SCUBE1: variants seen among roughly 807,000 people sequenced by gnomAD.
The protein encoded by SCUBE1 is signal peptide, CUB domain and EGF like domain containing 1.
In SCUBE1, 59 loss-of-function variants were observed where a neutral mutation model predicts 124.4. The ratio of observed to expected loss-of-function variants is 0.47; its 90% CI spans 0.38 to 0.59. The LOEUF is 0.59. SCUBE1 is among the 20% of genes least tolerant of loss of function. The pLI is 0.00. For synonymous variants in SCUBE1, 545 were observed against 550.9 expected, an observed-to-expected ratio of 0.99 and a Z score of 0.15; for missense variants, 1,150 against 1,371.2, an observed-to-expected ratio of 0.84 and a Z score of 2.55.
chr22:43,238,537 G>A (rs1922862517), intron 7 of SCUBE1: 7 of 593,714 alleles, frequency 1.2e-5, no homozygotes, highest in South Asian at 8.2e-5. Context: ...AGAGACGCTG[G>A]CTTAACTGTT....
intron 6 of SCUBE1, among the ~76,000 whole-genome samples, chr22:43,240,206 C>T (rs758439517): frequency 1.2e-4 from 18 of 152,104 alleles, no homozygotes; most frequent in Non-Finnish European, 1.8e-4. Context: ...GGATGAGCTG[C>T]GGCTGCCAGT....
chr22:43,276,464 C>T lies in SCUBE1; in HGVS notation c.485-13619G>A, dbSNP rs558058852. Among the ~76,000 whole-genome samples, 16 of 152,298 alleles carry T rather than the reference C, an allele frequency of 1.1e-4. No homozygotes were observed. In the East Asian group the frequency reaches 1.9e-3, roughly 18 times the overall value. The stretch of plus-strand genomic sequence containing the variant: ...GGTGACGAGGACCTGGGGAATGCTG[C>T]GGCCAGGGGTGGCCAGGCAGACGTC... On this transcript the variant is annotated intron_variant, in intron 4 of 21. Transcript: ENST00000360835.
intron 2 of SCUBE1, among the ~76,000 whole-genome samples, chr22:43,329,396 G>A (rs995873049): frequency 2.0e-5 from 3 of 152,256 alleles, no homozygotes; most frequent in Non-Finnish European, 4.4e-5. Context: ...GGTCCCAGGG[G>A]CCTGAGATCT....
chr22:43,323,416 C>T (rs11705604), intron 2 of SCUBE1, among the ~76,000 whole-genome samples: 2,435 of 152,282 alleles, frequency 0.016, 29 homozygotes, highest in Non-Finnish European at 0.025. Context: ...ATTTATCCAT[C>T]TAAATATCCA....
chr22:43,265,189 G>A (rs1924015834), intron 4 of SCUBE1, among the ~76,000 whole-genome samples: 1 of 152,228 alleles, frequency 6.6e-6, no homozygotes, highest in African/African-American at 2.4e-5. Context: ...AAGCCCTAGA[G>A]GTCTTTCAGT....
chr22:43,252,437 A>C (rs376961807), intron 6 of SCUBE1, among the ~76,000 whole-genome samples: 45 of 152,252 alleles, frequency 3.0e-4, no homozygotes, highest in African/African-American at 1.1e-3. Context: ...TGAGCATCCG[A>C]GCCGCTCTCC....
At chr22:43,289,904 G>T (rs917149226) in intron 4 of SCUBE1, among the ~76,000 whole-genome samples, 1 of 152,168 alleles carries the variant, frequency 6.6e-6, no homozygotes, top group African/African-American at 2.4e-5. Flanking sequence ...TGAGCCTTCT[G>T]CAGGTGCTGT....
At chr22:43,241,783 A>C (rs1007430123) in intron 6 of SCUBE1, among the ~76,000 whole-genome samples, 14 of 152,310 alleles carry the variant, frequency 9.2e-5, no homozygotes, top group African/African-American at 3.4e-4. Flanking sequence ...CCTTCAGACC[A>C]CTGTGTCATC....
intron 2 of SCUBE1, among the ~76,000 whole-genome samples, chr22:43,332,664 C>T (rs1040746489): frequency 1.1e-4 from 17 of 152,200 alleles, no homozygotes; most frequent in Middle Eastern, 3.2e-3. Context: ...CATCGGTCCA[C>T]ACCAGTTATC....
At chr22:43,273,145 T>C (rs767322160) in intron 4 of SCUBE1, among the ~76,000 whole-genome samples, 1 of 152,184 alleles carries the variant, frequency 6.6e-6, no homozygotes, top group Non-Finnish European at 1.5e-5. Context: ...ACACGCTCAT[T>C]CTCAGTTTGA....
chr22:43,265,917 G>A (rs561309100), intron 4 of SCUBE1, among the ~76,000 whole-genome samples: 1 of 152,218 alleles, frequency 6.6e-6, no homozygotes, highest in African/African-American at 2.4e-5. Flanking sequence ...CCTGGCCAAC[G>A]TGGTAAAACC....
chr22:43,205,480 G>A (rs569618925), intron 21 of SCUBE1, among the ~76,000 whole-genome samples: 2 of 151,930 alleles, frequency 1.3e-5, no homozygotes, highest in Admixed American at 6.5e-5. Context: ...ACCTGCTGGC[G>A]CGTGAGAGCT....
At position 43,208,052 on chromosome 22, in the gene SCUBE1, G is replaced by A. The variant is rs201962402; in HGVS notation, c.2734+20C>T. 6.4e-4 allele frequency: 1,026 copies of A among 1,613,616 alleles called. 4 individuals are homozygous for A. The highest frequency in any genetic ancestry group is 1.6e-3 in the Middle Eastern group (10 of 6,062). The stretch of plus-strand genomic sequence containing the variant: ...CCGCCTGAGCCGTGCACAGTGGGCC[G>A]TGAAGACAGTGGATCTTACCATCGT... On this transcript the variant is annotated intron_variant, in intron 20 of 21. Coordinates refer to ENST00000360835, the MANE Select transcript of SCUBE1 (RefSeq NM_173050.5).
chr22:43,211,203 G>C lies in SCUBE1; in HGVS notation c.2222-120C>G. ...GGTCTGTTTTGGCACAGAGTTCAAG[G>C]CTCCTCCCCACCGCCCCATGACCTC... On this transcript the variant is annotated intron_variant, in intron 17 of 21. Transcript: ENST00000360835. This position sits in a 1 kb window ranked among gnomAD's most constrained non-coding sequence, Gnocchi z 4.5. The C allele has an allele frequency of 1.9e-6, 2 of 1,048,416 alleles. No homozygotes were observed. Among genetic ancestry groups the C allele is most frequent in the Non-Finnish European group, 2.8e-6 (2 of 720,752 alleles). 64.9% of individuals were successfully genotyped at this position (1,048,416 alleles called of 1,614,324 possible).
At chr22:43,304,604 G>C (rs1349076370) in intron 3 of SCUBE1, among the ~76,000 whole-genome samples, 1 of 151,910 alleles carries the variant, frequency 6.6e-6, no homozygotes, top group Non-Finnish European at 1.5e-5. Flanking sequence ...GTGTGTGTCT[G>C]TGTGTGTGTG....
intron 3 of SCUBE1, among the ~76,000 whole-genome samples, chr22:43,299,430 C>G (rs1925686392): frequency 6.6e-6 from 1 of 152,210 alleles, no homozygotes; most frequent in Non-Finnish European, 1.5e-5. Flanking sequence ...CCGCTCGGCT[C>G]CTGACACTGT....
chr22:43,299,120 T>A (rs1444878592), intron 3 of SCUBE1, among the ~76,000 whole-genome samples: 3 of 151,592 alleles, frequency 2.0e-5, no homozygotes, highest in Non-Finnish European at 2.9e-5. Context: ...CTTGAGCAGG[T>A]CATTTCACCA....
chr22:43,341,026 C>T (rs1927295385), intron 1 of SCUBE1, among the ~76,000 whole-genome samples: 1 of 147,754 alleles, frequency 6.8e-6, no homozygotes, highest in Non-Finnish European at 1.5e-5. Context: ...AAGTCTCCTG[C>T]CCACCCCTGA....
chr22:43,271,159 C>A (rs1481443243), intron 4 of SCUBE1, among the ~76,000 whole-genome samples: 2 of 152,106 alleles, frequency 1.3e-5, no homozygotes, highest in Admixed American at 6.5e-5. Context: ...CTTGTTTCCA[C>A]CCTCTCCACA....
Sources: gnomAD v4.1 joint callset for allele counts (sites outside exome capture counted in the v4.1 genomes callset) on GRCh38, gnomAD v4.1.1 for gene constraint, Gnocchi (gnomAD v3.1) non-coding constraint, MANE v1.5 for transcripts, NCBI Gene and HGNC (gene_info 2026-07-23, HGNC 2026-07-21) for gene names.